The following COLEC11 variants were observed in gnomAD, a reference collection of about 807,000 sequenced individuals.
The protein encoded by COLEC11 is collectin-11.
Under a neutral mutation model 27.3 loss-of-function variants are expected in COLEC11, and 20 were observed. The ratio of observed to expected loss-of-function variants is 0.73; its 90% CI spans 0.51 to 1.06. COLEC11 has a LOEUF of 1.06. Ranked by LOEUF, COLEC11 falls within the 50% of genes least tolerant of loss-of-function variation. COLEC11 has a pLI of 0.00. For synonymous variants in COLEC11, 163 were observed against 154.7 expected, an observed-to-expected ratio of 1.05 and a Z score of -0.40; for missense variants, 310 against 383.0, an observed-to-expected ratio of 0.81 and a Z score of 1.59.
intron 1 of COLEC11, among the ~76,000 whole-genome samples, chr2:3,599,117 C>T (rs1354153953): frequency 6.6e-6 from 1 of 152,128 alleles, no homozygotes; most frequent in African/African-American, 2.4e-5. Flanking sequence ...ACACTGGTTA[C>T]GCAATGCTGG....
intron 2 of COLEC11, among the ~76,000 whole-genome samples, chr2:3,612,671 GC>G (rs1234345761): frequency 6.6e-6 from 1 of 152,126 alleles, no homozygotes; most frequent in Non-Finnish European, 1.5e-5. Context: ...CCTTCCTGAG[GC>G]CCCTGGCCTC....
chr2:3,604,345 G>A lies in COLEC11; in HGVS notation c.5G>A (p.Arg2Lys). Reference protein sequence around the residue: MRGNLALVGVLI... With the variant: MKGNLALVGVLI... ...GGTGTCCTGCCTGCGCTCAGGATGA[G>A]GGGGAATCTGGCCCTGGTGGGCGTT... Residue 2 changes from arginine (R) to lysine (K), a missense_variant, in exon 2 of 7, where the codon AGG becomes AAG. Arg to Lys is a conservative substitution (Grantham distance 26). Transcript: ENST00000349077. 2.5e-6 allele frequency: 4 copies of A among 1,614,238 alleles called. No homozygotes were observed. Among genetic ancestry groups the A allele is most frequent in the Non-Finnish European group, 3.4e-6 (4 of 1,180,038 alleles).
chr2:3,606,225 C>T (rs1211963623), intron 2 of COLEC11: 9 of 1,550,426 alleles, frequency 5.8e-6, no homozygotes, highest in African/African-American at 1.4e-5. Context: ...CTACGGTTGT[C>T]TTCCCTGCGC....
At chr2:3,640,601 T>C (rs1209013762) in intron 5 of COLEC11, among the ~76,000 whole-genome samples, 34 of 80,026 alleles carry the variant, frequency 4.2e-4, no homozygotes, top group Non-Finnish European at 4.0e-4. Flanking sequence ...GATCCCACAG[T>C]GGACACCCAC....
chr2:3,623,533 C>G (rs1664321827), intron 3 of COLEC11, among the ~76,000 whole-genome samples: 1 of 152,030 alleles, frequency 6.6e-6, no homozygotes, highest in African/African-American at 2.4e-5. Context: ...AATGACCTGT[C>G]ATCAAGCTCA....
At chr2:3,616,541 C>G (rs1293484573) in intron 3 of COLEC11, among the ~76,000 whole-genome samples, 2 of 152,250 alleles carry the variant, frequency 1.3e-5, no homozygotes, top group Middle Eastern at 3.4e-3. Flanking sequence ...CAGATCACTC[C>G]CGGTTAGGAG....
chr2:3,617,385 C>T (rs754731470), intron 3 of COLEC11, among the ~76,000 whole-genome samples: 6 of 152,150 alleles, frequency 3.9e-5, no homozygotes, highest in East Asian at 1.9e-4. Flanking sequence ...GAGAGACAGG[C>T]GCGGCCTTCG....
intron 2 of COLEC11, among the ~76,000 whole-genome samples, chr2:3,607,876 C>T (rs935621834): frequency 6.6e-6 from 1 of 152,246 alleles, no homozygotes; most frequent in African/African-American, 2.4e-5. Flanking sequence ...CTGTCTGTGC[C>T]GTCTCCCCTT....
At chr2:3,617,430 C>T (rs1470687571) in intron 3 of COLEC11, 5 of 1,088,222 alleles carry the variant, frequency 4.6e-6, no homozygotes, top group Non-Finnish European at 4.2e-6. Context: ...AGGGGCAGCA[C>T]AGTCATTTAA....
intron 3 of COLEC11, among the ~76,000 whole-genome samples, chr2:3,624,360 G>A (rs149723794): frequency 1.3e-5 from 2 of 152,124 alleles, no homozygotes; most frequent in Non-Finnish European, 2.9e-5. Context: ...GCTTGTTGGG[G>A]GGCTTCCTAA....
intron 3 of COLEC11, chr2:3,625,932 A>G (rs1664522609): frequency 7.5e-7 from 1 of 1,330,166 alleles, no homozygotes; most frequent in Non-Finnish European, 1.1e-6. Flanking sequence ...CATACCTGGC[A>G]GACTTTGCAA....
At chr2:3,607,036 G>T (rs1662766817) in intron 2 of COLEC11, among the ~76,000 whole-genome samples, 1 of 152,190 alleles carries the variant, frequency 6.6e-6, no homozygotes, top group Admixed American at 6.5e-5. Flanking sequence ...CCCGGACACG[G>T]GGTGGCATCT....
intron 1 of COLEC11, chr2:3,603,992 A>G: frequency 3.5e-6 from 2 of 565,154 alleles, no homozygotes; most frequent in Non-Finnish European, 6.3e-6. Context: ...GGAGACCCCT[A>G]CTCCACTCTG....
At chr2:3,630,109 ATG>A (rs1664878638) in intron 3 of COLEC11, among the ~76,000 whole-genome samples, 1 of 136,972 alleles carries the variant, frequency 7.3e-6, no homozygotes. Context: ...ACATGTATGT[ATG>A]TGGAGGTGAA....
At chr2:3,605,281 G>A (rs1323532840) in intron 2 of COLEC11, among the ~76,000 whole-genome samples, 3 of 148,544 alleles carry the variant, frequency 2.0e-5, no homozygotes, top group African/African-American at 7.4e-5. Context: ...CGCCGCTGAG[G>A]GGAGTCACGT....
chr2:3,638,374 A>AG (rs1314208133), intron 4 of COLEC11, among the ~76,000 whole-genome samples: 1 of 152,190 alleles, frequency 6.6e-6, no homozygotes, highest in Non-Finnish European at 1.5e-5. Flanking sequence ...TGAGCTCTTC[A>AG]GGTGTGGACT....
chr2:3,625,609 C>A (rs1017769974), intron 3 of COLEC11, among the ~76,000 whole-genome samples: 82 of 108,698 alleles, frequency 7.5e-4, no homozygotes, highest in African/African-American at 3.0e-3. Context: ...TGGAAAGTTT[C>A]TTTTCTTCTT....
chr2:3,596,341 T>A (rs1442918333), intron 1 of COLEC11, among the ~76,000 whole-genome samples: 1 of 150,648 alleles, frequency 6.6e-6, no homozygotes, highest in Non-Finnish European at 1.5e-5. Flanking sequence ...TATTTCATTT[T>A]TTTTTTTTTT....
chr2:3,597,859 C>A (rs893052899), intron 1 of COLEC11, among the ~76,000 whole-genome samples: 2 of 152,162 alleles, frequency 1.3e-5, no homozygotes, highest in Non-Finnish European at 2.9e-5. Flanking sequence ...CCCAGTGGAC[C>A]AGCACGTCTG....
Sources: gnomAD v4.1 joint callset for allele counts (sites outside exome capture counted in the v4.1 genomes callset) on GRCh38, gnomAD v4.1.1 for gene constraint, MANE v1.5 for transcripts, NCBI Gene and HGNC (gene_info 2026-07-23, HGNC 2026-07-21) for gene names.